Variants in PTPRK observed in about 807,000 individuals in gnomAD.
The protein encoded by PTPRK is receptor-type tyrosine-protein phosphatase kappa.
In PTPRK, 75 loss-of-function variants were observed where a neutral mutation model predicts 178.0. The observed-to-expected ratio is 0.42, with a 90% CI of 0.35 to 0.51. PTPRK has a LOEUF of 0.51. Ranked by LOEUF, PTPRK falls within the 20% of genes least tolerant of loss-of-function variation. The probability of loss-of-function intolerance (pLI) is 0.02; values close to 1 mark genes in which losing one functional copy is unlikely to be tolerated. For missense variants in PTPRK, 1,441 were observed against 1,797.8 expected (o/e 0.80, Z 3.59); for synonymous variants, 637 against 620.6 (o/e 1.03, Z -0.39).
chr6:128,180,134 G>C (rs576398048), intron 7 of PTPRK, among the ~76,000 whole-genome samples: 36 of 152,180 alleles, frequency 2.4e-4, no homozygotes, highest in Non-Finnish European at 4.4e-4. Flanking sequence ...GGGTTACCCA[G>C]AAGCAGAAGG....
intron 1 of PTPRK, among the ~76,000 whole-genome samples, chr6:128,470,715 A>C (rs1850512756): frequency 6.7e-6 from 1 of 148,898 alleles, no homozygotes; most frequent in Admixed American, 6.7e-5. Flanking sequence ...AGGTTCAATG[A>C]GGCATTATCT....
intron 1 of PTPRK, among the ~76,000 whole-genome samples, chr6:128,444,640 G>A (rs1846704909): frequency 6.6e-6 from 1 of 152,160 alleles, no homozygotes. Context: ...CAAATTTAGA[G>A]TAATGAATGA....
intron 2 of PTPRK, among the ~76,000 whole-genome samples, chr6:128,385,021 T>C (rs1281749853): frequency 6.7e-6 from 1 of 149,916 alleles, no homozygotes; most frequent in African/African-American, 2.4e-5. Flanking sequence ...AAGAGCTGAG[T>C]TTCCTTATCA....
At chr6:127,986,487 T>C (rs1198140089) in intron 21 of PTPRK, among the ~76,000 whole-genome samples, 1 of 152,200 alleles carries the variant, frequency 6.6e-6, no homozygotes, top group East Asian at 1.9e-4. Flanking sequence ...AAATACAAAA[T>C]GAAAGAAGTG....
intron 1 of PTPRK, among the ~76,000 whole-genome samples, chr6:128,416,586 T>A (rs1414318498): frequency 6.7e-6 from 1 of 149,866 alleles, no homozygotes; most frequent in Non-Finnish European, 1.5e-5. Flanking sequence ...AGTCAGAGCT[T>A]GCAGTGAGCC....
chr6:128,191,945 G>C (rs1345415111), intron 6 of PTPRK, among the ~76,000 whole-genome samples: 4 of 152,146 alleles, frequency 2.6e-5, no homozygotes, highest in African/African-American at 7.2e-5. Flanking sequence ...ATTCACACTG[G>C]CTTGACTGTG....
intron 2 of PTPRK, among the ~76,000 whole-genome samples, chr6:128,346,001 T>C (rs1411875793): frequency 6.6e-6 from 1 of 152,176 alleles, no homozygotes; most frequent in Non-Finnish European, 1.5e-5. Context: ...AGGTATATAT[T>C]TCAGGCTGTA....
At chr6:128,457,774 T>C (rs1319389737) in intron 1 of PTPRK, among the ~76,000 whole-genome samples, 2 of 152,178 alleles carry the variant, frequency 1.3e-5, no homozygotes, top group Non-Finnish European at 2.9e-5. Flanking sequence ...AGAGATTATA[T>C]ATAGGTGCAC....
chr6:128,031,866 G>C (rs760874551), intron 13 of PTPRK, among the ~76,000 whole-genome samples: 1 of 152,120 alleles, frequency 6.6e-6, no homozygotes, highest in African/African-American at 2.4e-5. Flanking sequence ...ACACTGGAAC[G>C]GTCCAGTGAC....
intron 8 of PTPRK, among the ~76,000 whole-genome samples, chr6:128,085,478 A>G (rs537830823): frequency 1.3e-5 from 2 of 152,280 alleles, no homozygotes; most frequent in East Asian, 1.9e-4. Context: ...CTAATGGGGG[A>G]AAAAGGGAGC....
intron 7 of PTPRK, among the ~76,000 whole-genome samples, chr6:128,162,739 G>C (rs1798873587): frequency 6.6e-6 from 1 of 151,660 alleles, no homozygotes; most frequent in South Asian, 2.1e-4. Context: ...GATAAGATCT[G>C]TAGAGAATCT....
At chr6:128,375,058 CATTATTATTATTATT>C (rs58185524) in intron 2 of PTPRK, among the ~76,000 whole-genome samples, 82 of 132,282 alleles carry the variant, frequency 6.2e-4, no homozygotes, top group African/African-American at 2.0e-3. Flanking sequence ...AGAAACACTG[CATTATTATTATTATT>C]ATTATTATTA....
chr6:128,433,404 A>G (rs1215501276), intron 1 of PTPRK, among the ~76,000 whole-genome samples: 1 of 151,826 alleles, frequency 6.6e-6, no homozygotes, highest in Non-Finnish European at 1.5e-5. Flanking sequence ...GGCATATTTC[A>G]CTTACCATAG....
At chr6:127,998,631 G>T in intron 16 of PTPRK, 89 bp downstream of exon 16, 1 of 1,076,154 alleles carries the variant, frequency 9.3e-7, no homozygotes, top group Admixed American at 2.5e-5. Context: ...TCCCCTCCTT[G>T]TTGTGTTAAA....
intron 7 of PTPRK, among the ~76,000 whole-genome samples, chr6:128,141,498 G>A (rs941323629): frequency 6.6e-6 from 1 of 151,560 alleles, no homozygotes; most frequent in Non-Finnish European, 1.5e-5. Context: ...ATATAACTTG[G>A]AAAGAAAAAC....
intron 1 of PTPRK, among the ~76,000 whole-genome samples, chr6:128,480,543 A>T (rs1425752442): frequency 1.3e-5 from 2 of 152,106 alleles, no homozygotes; most frequent in East Asian, 3.9e-4. Context: ...TATTCCTCAC[A>T]TATGAATTAG....
chr6:128,138,513 T>C (rs1177550394), intron 7 of PTPRK, among the ~76,000 whole-genome samples: 1 of 152,152 alleles, frequency 6.6e-6, no homozygotes, highest in African/African-American at 2.4e-5. Flanking sequence ...TATTGTCCTA[T>C]GGACTTATCT....
rs748570834 is a variant in PTPRK at position 128,218,919 on chromosome 6, T to C, written c.868+3A>G. 4 of 1,606,402 alleles carry C rather than the reference T, an allele frequency of 2.5e-6. No homozygotes were observed. The highest frequency in any genetic ancestry group is 1.3e-5 in the African/African-American group (1 of 74,836). ...TCGTGAAGTGAAAACAATTTCACCT[T>C]ACCTCTCACAATAAGTTGAGCAAAA... On this transcript the variant is annotated splice_donor_region_variant and intron_variant, in intron 6 of 29. Transcript: ENST00000368226.
At chr6:128,201,011 A>C (rs1805844784) in intron 6 of PTPRK, among the ~76,000 whole-genome samples, 1 of 151,610 alleles carries the variant, frequency 6.6e-6, no homozygotes, top group Non-Finnish European at 1.5e-5. Flanking sequence ...TACCTTACTG[A>C]GCCTACCCTG....
Sources: gnomAD v4.1 joint callset for allele counts (sites outside exome capture counted in the v4.1 genomes callset) on GRCh38, gnomAD v4.1.1 for gene constraint, MANE v1.5 for transcripts, NCBI Gene and HGNC (gene_info 2026-07-23, HGNC 2026-07-21) for gene names.